DUSP7: variants seen among roughly 807,000 people sequenced by gnomAD.
DUSP7 encodes the protein dual specificity protein phosphatase 7.
Under a neutral mutation model 29.8 loss-of-function variants are expected in DUSP7, and 7 were observed. The observed-to-expected ratio is 0.24, with a 90% CI of 0.13 to 0.44. The LOEUF (loss-of-function observed/expected upper bound fraction) is 0.44, where lower values mean the gene tolerates loss of function less well. Among genes scored for constraint, DUSP7 ranks in the 20% least tolerant of loss-of-function variants. DUSP7 has a pLI of 1.00. For missense variants in DUSP7, 400 were observed against 583.7 expected, an observed-to-expected ratio of 0.69 and a Z score of 3.24; for synonymous variants, 287 against 275.4, an observed-to-expected ratio of 1.04 and a Z score of -0.42.
In DUSP7 at chr3:52,055,896, G is replaced by A. The variant is rs1485043364; in HGVS notation, c.471C>T (p.Leu157=). 4 of 1,574,644 alleles carry A rather than the reference G, an allele frequency of 2.5e-6. No individual in the cohort carries two copies. The highest frequency in any genetic ancestry group is 4.6e-5 in the East Asian group (2 of 43,296). ...PGAPASVLGL[L]LQKLRDDGCQ... is the part of the protein sequence containing the mutation. ...AGCCGTCGTCGCGCAGCTTCTGTAGGAGCAGGCCGAGCACGGAGGCGGGAG... is the reference window on the plus strand; with the variant it reads ...AGCCGTCGTCGCGCAGCTTCTGTAGAAGCAGGCCGAGCACGGAGGCGGGAG... Residue 157 remains leucine, a synonymous_variant, in exon 1 of 3, where the codon CTC becomes CTT. Transcript: ENST00000495880.
chr3:52,053,679 A>C lies in DUSP7; in HGVS notation c.952+261T>G, dbSNP rs886292642. ...TCTAAGCCAGGAAAACACAAGCTGG[A>C]CAGCAGAGAGCCCATGACGTGCTGT... On this transcript the variant is annotated intron_variant, in intron 2 of 2. Coordinates refer to ENST00000495880, the MANE Select transcript of DUSP7 (RefSeq NM_001947.4). This position sits in a 1 kb window ranked among gnomAD's most constrained non-coding sequence, Gnocchi z 4.6. 306 of 533,984 alleles carry C rather than the reference A, an allele frequency of 5.7e-4. 2 individuals are homozygous for C. Among genetic ancestry groups the C allele is most frequent in the Non-Finnish European group, 4.0e-4 (118 of 295,900 alleles). The allele number at this position is 533,984 out of a possible 1,614,324, so 33.1% of individuals were successfully genotyped here.
Position 52,053,995 on chromosome 3 carries a change from A to G in DUSP7, c.897T>C (p.Ser299=), listed in dbSNP as rs768900529. ...GEFTYKQIPI[S]DHWSQNLSQF... ...GGGAGAGGTTCTGGCTCCAGTGGTC[A>G]GAGATGGGGATCTGCTTGTAGGTGA... Residue 299 remains serine, a synonymous_variant, in exon 2 of 3, where the codon TCT becomes TCC. Coordinates refer to ENST00000495880, the MANE Select transcript of DUSP7 (RefSeq NM_001947.4). The surrounding 1 kb of genome is among the most constrained non-coding windows in gnomAD (Gnocchi z 4.6). 4 of 1,614,192 alleles carry G rather than the reference A, an allele frequency of 2.5e-6. No homozygotes were observed. The South Asian group carries it at 3.3e-5, about 13-fold the overall frequency.
At chr3:52,055,791 G>T in intron 1 of DUSP7, 59 bp downstream of exon 1, 1 of 1,468,378 alleles carries the variant, frequency 6.8e-7, no homozygotes, top group Non-Finnish European at 9.0e-7. Context: ...CTCCAAGGGG[G>T]GCGTCAGGGA....
Position 52,053,857 on chromosome 3 carries a change from AC to A in DUSP7, c.952+82del, listed in dbSNP as rs753407797. On this transcript the variant is annotated intron_variant, in intron 2 of 2. Transcript: ENST00000495880. This position sits in a 1 kb window ranked among gnomAD's most constrained non-coding sequence, Gnocchi z 4.6. Reference sequence around the variant, plus strand: ...CACAGGTCTCAACAGGCCCAGAGGTACCCAGTCAGGCGGGGGCGCCACCCAG... The same window carrying A: ...CACAGGTCTCAACAGGCCCAGAGGTACCAGTCAGGCGGGGGCGCCACCCAG... 8 of 1,484,852 alleles carry A rather than the reference AC, an allele frequency of 5.4e-6. No homozygotes were observed. In the African/African-American group the frequency reaches 9.7e-5, roughly 18 times the overall value. The allele number at this position is 1,484,852 out of a possible 1,614,324, so 92.0% of individuals were successfully genotyped here. A position where few individuals can be genotyped will look rare whatever the true frequency, so the allele number is the denominator to read the frequency against.
Position 52,054,379 on chromosome 3 carries a change from G to GT in DUSP7, c.518-6dup. The GT allele has an allele frequency of 6.6e-7, 1 of 1,523,206 alleles. No homozygotes were observed. Among genetic ancestry groups the GT allele is most frequent in the Non-Finnish European group, 8.8e-7 (1 of 1,135,912 alleles). The allele number at this position is 1,523,206 out of a possible 1,614,324, so 94.4% of individuals were successfully genotyped here. ...TTTGAAACTTGTTGAAACCACCTGT[G>GT]TCCAGGGTGAGACAGGGCCTGGGTG... is the stretch of plus-strand genomic sequence containing the variant. On this transcript the variant is annotated splice_region_variant and splice_polypyrimidine_tract_variant and intron_variant, in intron 1 of 2. Transcript: ENST00000495880. This position sits in a 1 kb window ranked among gnomAD's most constrained non-coding sequence, Gnocchi z 4.1.
In DUSP7 at chr3:52,054,887, T is replaced by C. The variant is rs943711114; in HGVS notation, c.518-513A>G. Among the ~76,000 whole-genome samples the C allele has an allele frequency of 5.3e-5, 8 of 151,740 alleles. No individual in the cohort carries two copies. Among genetic ancestry groups the C allele is most frequent in the Non-Finnish European group, 1.0e-4 (7 of 67,906 alleles). On this transcript the variant is annotated intron_variant, in intron 1 of 2. Coordinates refer to ENST00000495880, the MANE Select transcript of DUSP7 (RefSeq NM_001947.4). This position sits in a 1 kb window ranked among gnomAD's most constrained non-coding sequence, Gnocchi z 4.1. Reference sequence around the variant, plus strand: ...AGGTCCTGGGCTTCCTGAACGGGAGTCTAGTGGTTGCCCAGCCCCGAAACT... The same window carrying C: ...AGGTCCTGGGCTTCCTGAACGGGAGCCTAGTGGTTGCCCAGCCCCGAAACT...
Position 52,051,021 on chromosome 3 carries a change from G to C in DUSP7, c.1054C>G (p.Leu352Val). ...TVAYLMQKMN[L>V]SLNDAYDFVK... ...AAGTCGTAGGCGTCGTTGAGTGACA[G>C]GTTCATCTTCTGCATCAGATAGGCC... Residue 352 changes from leucine to valine, a missense_variant, in exon 3 of 3, where the codon CTG becomes GTG. Coordinates refer to ENST00000495880, the MANE Select transcript of DUSP7 (RefSeq NM_001947.4). This position sits in a 1 kb window ranked among gnomAD's most constrained non-coding sequence, Gnocchi z 4.8. 1.2e-6 allele frequency: 2 copies of C among 1,614,266 alleles called. No homozygotes were observed. Among genetic ancestry groups the C allele is most frequent in the Non-Finnish European group, 1.7e-6 (2 of 1,180,048 alleles).
chr3:52,051,238 A>T lies in DUSP7; in HGVS notation c.953-116T>A. On this transcript the variant is annotated intron_variant, in intron 2 of 2. Transcript: ENST00000495880. This position sits in a 1 kb window ranked among gnomAD's most constrained non-coding sequence, Gnocchi z 4.8. ...CATGGTGGCTGGCTGGTCTTGCCCG[A>T]CCCCTGAGGGACCTGGCCAAGCCCA... 10 of 1,236,566 alleles carry T rather than the reference A, an allele frequency of 8.1e-6. No homozygotes were observed. The highest frequency in any genetic ancestry group is 1.1e-5 in the Non-Finnish European group (10 of 905,474). 76.6% of individuals were successfully genotyped at this position (1,236,566 alleles called of 1,614,324 possible).
At position 52,054,785 on chromosome 3, in the gene DUSP7, A is replaced by T. The variant is rs1192184341; in HGVS notation, c.518-411T>A. On this transcript the variant is annotated intron_variant, in intron 1 of 2. Coordinates refer to ENST00000495880, the MANE Select transcript of DUSP7 (RefSeq NM_001947.4). The surrounding 1 kb of genome is among the most constrained non-coding windows in gnomAD (Gnocchi z 4.1). ...AGCAGACAACCCCATCTTAGCCAGC[A>T]CCTCTGGGTTGGCAAACTCCTCTTA... 6.6e-6 allele frequency among the ~76,000 whole-genome samples: 1 copy of T among 152,154 alleles called. No individual in the cohort carries two copies. Among genetic ancestry groups the T allele is most frequent in the Admixed American group, 6.5e-5 (1 of 15,278 alleles).
Position 52,054,475 on chromosome 3 carries a change from C to T in DUSP7, c.518-101G>A, listed in dbSNP as rs561785025. On this transcript the variant is annotated intron_variant, in intron 1 of 2. Transcript: ENST00000495880. The surrounding 1 kb of genome is among the most constrained non-coding windows in gnomAD (Gnocchi z 4.1). ...CCAGGACTCTGCACGCCAAACACCA[C>T]AGCACCCACGGTCAGCATGGGCCAT... is the stretch of plus-strand genomic sequence containing the variant. The T allele has an allele frequency of 3.4e-3, 3,319 of 965,944 alleles. 11 individuals carry two copies. Among genetic ancestry groups the T allele is most frequent in the Middle Eastern group, 7.8e-3 (30 of 3,844 alleles). 59.8% of individuals were successfully genotyped at this position (965,944 alleles called of 1,614,324 possible).
chr3:52,051,000 C>T lies in DUSP7; in HGVS notation c.1075G>A (p.Asp359Asn), dbSNP rs753213891. Reference sequence around the variant, plus strand: ...TTGGACTTTTTCCTCTTGACAAAGTCGTAGGCGTCGTTGAGTGACAGGTTC... The same window carrying T: ...TTGGACTTTTTCCTCTTGACAAAGTTGTAGGCGTCGTTGAGTGACAGGTTC... ...KMNLSLNDAY[D>N]FVKRKKSNIS... The change falls in exon 3 of 3, where the codon GAC becomes AAC. Residue 359 changes from aspartate to asparagine, a missense_variant. By Grantham distance (23) the Asp-to-Asn change is conservative. Around this residue, in one of 4 missense-constraint regions of DUSP7, gnomAD observed 75 missense variants for 95.0 expected, o/e 0.79. Coordinates refer to ENST00000495880, the MANE Select transcript of DUSP7 (RefSeq NM_001947.4). This position sits in a 1 kb window ranked among gnomAD's most constrained non-coding sequence, Gnocchi z 5.0. 1.2e-6 allele frequency: 2 copies of T among 1,614,146 alleles called. No homozygotes were observed. The highest frequency in any genetic ancestry group is 1.3e-5 in the African/African-American group (1 of 74,956).
rs1701827288 is a variant in DUSP7 at position 52,049,728 on chromosome 3, GAGAGAGAAAGAA to G, written c.*1075_*1086del. On this transcript the variant is annotated 3_prime_UTR_variant, in exon 3 of 3. Coordinates refer to ENST00000495880, the MANE Select transcript of DUSP7 (RefSeq NM_001947.4). ...GGAAAGGAAGAGAGAGGGAGGGGGG[GAGAGAGAAAGAA>G]AGAGAGAGAGAGGGAGAGAGAGAAA... 2 of 152,098 alleles carry G rather than the reference GAGAGAGAAAGAA, an allele frequency of 1.3e-5. No individual in the cohort carries two copies. The highest frequency in any genetic ancestry group is 4.1e-4 in the South Asian group (2 of 4,822). The allele number at this position is 152,098 out of a possible 1,614,324, so 9.4% of individuals were successfully genotyped here. A position where few individuals can be genotyped will look rare whatever the true frequency, so the allele number is the denominator to read the frequency against.
At position 52,050,932 on chromosome 3, in the gene DUSP7, A is replaced by G. The variant is rs774463059; in HGVS notation, c.1143T>C (p.Phe381=). 1 of 1,614,252 alleles carries G rather than the reference A, an allele frequency of 6.2e-7. No individual in the cohort carries two copies. Among genetic ancestry groups the G allele is most frequent in the Non-Finnish European group, 8.5e-7 (1 of 1,180,034 alleles). The part of the protein sequence containing the change: ...NFNFMGQLLD[F]ERTLGLSSPC... ...GGCTGCTTAGCCCCAGCGTCCGCTC[A>G]AAGTCCAGCAGCTGCCCCATGAAGT... The change falls in exon 3 of 3, where the codon TTT becomes TTC. Residue 381 remains phenylalanine, a synonymous_variant. Coordinates refer to ENST00000495880, the MANE Select transcript of DUSP7 (RefSeq NM_001947.4). The surrounding 1 kb of genome is among the most constrained non-coding windows in gnomAD (Gnocchi z 5.0).
Position 52,055,835 on chromosome 3 carries a change from C to A in DUSP7, c.517+15G>T. The A allele has an allele frequency of 2.6e-6, 4 of 1,514,708 alleles. No homozygotes were observed. The highest frequency in any genetic ancestry group is 2.0e-4 in the Middle Eastern group (1 of 5,094). 93.8% of individuals were successfully genotyped at this position (1,514,708 alleles called of 1,614,324 possible). A position where few individuals can be genotyped will look rare whatever the true frequency, so the allele number is the denominator to read the frequency against. The stretch of plus-strand genomic sequence containing the variant: ...GGGGCCCCGATCCCGTAAGGCGTCT[C>A]GGTGCCGCCCTCACCTTGGAGGTAG... On this transcript the variant is annotated intron_variant, in intron 1 of 2. Transcript: ENST00000495880.
In DUSP7 at chr3:52,055,861, T is replaced by C. The variant is rs945365303; in HGVS notation, c.506A>G (p.Tyr169Cys). Residue 169 changes from tyrosine (Y) to cysteine (C), a missense_variant, in exon 1 of 3, where the codon TAC becomes TGC. By Grantham distance (194) the Tyr-to-Cys change is radical. This residue lies in a region of DUSP7 where 223 missense variants were observed against 360.9 expected (regional missense o/e 0.62). Transcript: ENST00000495880. ...QKLRDDGCQA[Y>C]YLQGGFNKFQ... ...GGTGCCGCCCTCACCTTGGAGGTAG[T>C]AGGCCTGGCAGCCGTCGTCGCGCAG... 6.4e-7 allele frequency: 1 copy of C among 1,567,404 alleles called. No individual in the cohort carries two copies. Among genetic ancestry groups the C allele is most frequent in the Non-Finnish European group, 8.6e-7 (1 of 1,157,880 alleles).
chr3:52,049,826 A>G lies in DUSP7; in HGVS notation c.*989T>C, dbSNP rs1297175290. On this transcript the variant is annotated 3_prime_UTR_variant, in exon 3 of 3. Transcript: ENST00000495880. ...ACAGACAGAAGTAGTGGCTAAGTATATAAAAGGGCTCAGAGCCCAGGCCTT... is the reference window on the plus strand; with the variant it reads ...ACAGACAGAAGTAGTGGCTAAGTATGTAAAAGGGCTCAGAGCCCAGGCCTT... The G allele has an allele frequency of 6.6e-6, 1 of 152,226 alleles. No individual in the cohort carries two copies. The highest frequency in any genetic ancestry group is 1.5e-5 in the Non-Finnish European group (1 of 68,034). The allele number at this position is 152,226 out of a possible 1,614,324, so 9.4% of individuals were successfully genotyped here.
Position 52,051,291 on chromosome 3 carries a change from G to C in DUSP7, c.953-169C>G, listed in dbSNP as rs374753617. 6.6e-6 allele frequency among the ~76,000 whole-genome samples: 1 copy of C among 152,216 alleles called. No homozygotes were observed. Among genetic ancestry groups the C allele is most frequent in the South Asian group, 2.1e-4 (1 of 4,830 alleles). On this transcript the variant is annotated intron_variant, in intron 2 of 2. Transcript: ENST00000495880. This position sits in a 1 kb window ranked among gnomAD's most constrained non-coding sequence, Gnocchi z 4.8. Reference sequence around the variant, plus strand: ...GTGGGTAGGGCAGCAACTTGGAATAGAGGTCAACAGCACTGCTGTGGAGAG... The same window carrying C: ...GTGGGTAGGGCAGCAACTTGGAATACAGGTCAACAGCACTGCTGTGGAGAG...
chr3:52,053,918 C>G lies in DUSP7; in HGVS notation c.952+22G>C. 1 of 1,614,044 alleles carries G rather than the reference C, an allele frequency of 6.2e-7. No individual in the cohort carries two copies. Among genetic ancestry groups the G allele is most frequent in the Non-Finnish European group, 8.5e-7 (1 of 1,179,924 alleles). On this transcript the variant is annotated intron_variant, in intron 2 of 2. Coordinates refer to ENST00000495880, the MANE Select transcript of DUSP7 (RefSeq NM_001947.4). This position sits in a 1 kb window ranked among gnomAD's most constrained non-coding sequence, Gnocchi z 4.6. ...TACACCTTGATGCACCCACACCCCC[C>G]TGCCCAGCACACAGCACCTACCAAT...
chr3:52,056,304 C>A lies in DUSP7; in HGVS notation c.63G>T (p.Ala21=), dbSNP rs1242895578. Residue 21 remains alanine (A), a synonymous_variant, in exon 1 of 3, where the codon GCG becomes GCT. Coordinates refer to ENST00000495880, the MANE Select transcript of DUSP7 (RefSeq NM_001947.4). This position sits in a 1 kb window ranked among gnomAD's most constrained non-coding sequence, Gnocchi z 6.4. ...RAHMSTSGAA[A]AGGTRAGSEP... ...CGGACCCCGCCCGGGTGCCCCCAGC[C>A]GCCGCCGCCCCCGAAGTCGACATGT... The A allele has an allele frequency of 1.7e-6, 2 of 1,193,788 alleles. No homozygotes were observed. The highest frequency in any genetic ancestry group is 2.1e-6 in the Non-Finnish European group (2 of 965,478). The allele number at this position is 1,193,788 out of a possible 1,614,324, so 73.9% of individuals were successfully genotyped here.
Sources: gnomAD v4.1 joint callset for allele counts (sites outside exome capture counted in the v4.1 genomes callset) on GRCh38, gnomAD v4.1.1 for gene constraint, gnomAD v4.1.1 regional missense constraint, Gnocchi (gnomAD v3.1) non-coding constraint, MANE v1.5 for transcripts, NCBI Gene and HGNC (gene_info 2026-07-23, HGNC 2026-07-21) for gene names.